ANKRD12: variants seen among roughly 807,000 people sequenced by gnomAD.
The protein encoded by ANKRD12 is ankyrin repeat domain-containing protein 12.
ANKRD12 carries 85 observed loss-of-function variants against 183.4 expected under a neutral mutation model. The ratio of observed to expected loss-of-function variants is 0.46; its 90% CI spans 0.39 to 0.56. The LOEUF (loss-of-function observed/expected upper bound fraction) is 0.56, where lower values mean the gene tolerates loss of function less well. ANKRD12 is among the 20% of genes least tolerant of loss of function. The probability of loss-of-function intolerance (pLI) is 0.00; values close to 1 mark genes in which losing one functional copy is unlikely to be tolerated. For missense variants in ANKRD12, 2,405 were observed against 2,357.1 expected, an observed-to-expected ratio of 1.02 and a Z score of -0.42; for synonymous variants, 914 against 800.2, an observed-to-expected ratio of 1.14 and a Z score of -2.40.
In ANKRD12 at chr18:9,258,287, GAAAGTGA is replaced by G; in HGVS notation, c.5027_5033del (p.Glu1676ValfsTer5). On this transcript the variant is annotated frameshift_variant, in exon 9 of 13. Coordinates refer to ENST00000262126, the MANE Select transcript of ANKRD12 (RefSeq NM_015208.5). LOFTEE classifies it high-confidence loss of function. Reference sequence around the variant, plus strand: ...TGAACAAGATCCAAAACATTGTCCTGAAAGTGAAAAGTGTTTGCTTTCCATAGAAGAT... The same window carrying G: ...TGAACAAGATCCAAAACATTGTCCTGAAAGTGTTTGCTTTCCATAGAAGAT... 6.2e-7 allele frequency: 1 copy of G among 1,613,700 alleles called. No homozygotes were observed. Among genetic ancestry groups the G allele is most frequent in the South Asian group, 1.1e-5 (1 of 91,068 alleles).
intron 10 of ANKRD12, 22 bp downstream of exon 10, chr18:9,263,910 A>C (rs371668984): frequency 4.5e-5 from 61 of 1,352,660 alleles, no homozygotes; most frequent in Non-Finnish European, 5.0e-5. Flanking sequence ...TTAAATTTAC[A>C]CTTATGCTAA....
At position 9,174,327 on chromosome 18, in the gene ANKRD12, G is replaced by A. The variant is rs2033051209; in HGVS notation, c.-51-8055G>A. ...GCAGAATGACACTGCTTGGTTCCCA[G>A]GATTCAGCCCTCTTCCTAGGGGAGG... On this transcript the variant is annotated intron_variant, in intron 1 of 12. Transcript: ENST00000262126. Among the ~76,000 whole-genome samples the A allele has an allele frequency of 2.0e-5, 3 of 152,226 alleles. No individual in the cohort carries two copies. In the South Asian group the frequency reaches 6.2e-4, roughly 32 times the overall value.
chr18:9,206,092 G>C (rs1045751404), intron 4 of ANKRD12, among the ~76,000 whole-genome samples: 6 of 151,972 alleles, frequency 3.9e-5, no homozygotes, highest in African/African-American at 1.4e-4. Context: ...AAAGAATGTT[G>C]GAGCGTTGAA....
chr18:9,143,299 TAA>T (rs370325238), intron 1 of ANKRD12, among the ~76,000 whole-genome samples: 13 of 152,372 alleles, frequency 8.5e-5, no homozygotes, highest in African/African-American at 3.1e-4. Context: ...ATAAAAATGT[TAA>T]GTCTGTTACT....
chr18:9,208,432 T>A (rs2035602933), intron 4 of ANKRD12, among the ~76,000 whole-genome samples: 1 of 152,162 alleles, frequency 6.6e-6, no homozygotes, highest in South Asian at 2.1e-4. Context: ...TATTACTAAT[T>A]TTCTGAAAAC....
intron 11 of ANKRD12, 65 bp from the exon 12 acceptor site, chr18:9,279,484 C>T (rs2040009115): frequency 1.1e-6 from 1 of 934,184 alleles, no homozygotes; most frequent in Non-Finnish European, 1.7e-6. Context: ...CATAAAAATA[C>T]TATAATGGCA....
At chr18:9,140,529 CAG>C (rs1484462939) in intron 1 of ANKRD12, among the ~76,000 whole-genome samples, 1 of 152,178 alleles carries the variant, frequency 6.6e-6, no homozygotes, top group Non-Finnish European at 1.5e-5. Context: ...GTTTCTGTAA[CAG>C]ACAGTGGCTT....
At chr18:9,163,611 A>G (rs2031703083) in intron 1 of ANKRD12, among the ~76,000 whole-genome samples, 1 of 152,090 alleles carries the variant, frequency 6.6e-6, no homozygotes, top group African/African-American at 2.4e-5. Flanking sequence ...TGAATCTATA[A>G]ATTACTTTGG....
chr18:9,258,158 C>T lies in ANKRD12; in HGVS notation c.4891C>T (p.His1631Tyr). Residue 1631 changes from histidine (H) to tyrosine (Y), a missense_variant, in exon 9 of 13, where the codon CAT becomes TAT. Transcript: ENST00000262126. ...CACAACTGATACTCAGGTCATTTCA[C>T]ATGAAAAAGAAAACAAACTGGAGAG... Reference protein sequence around the residue: ...NSTTDTQVISHEKENKLESLV... With the variant: ...NSTTDTQVISYEKENKLESLV... 1.2e-6 allele frequency: 2 copies of T among 1,613,764 alleles called. No homozygotes were observed. Among genetic ancestry groups the T allele is most frequent in the Non-Finnish European group, 1.7e-6 (2 of 1,179,958 alleles).
At chr18:9,187,455 C>T (rs1248979489) in intron 2 of ANKRD12, among the ~76,000 whole-genome samples, 3 of 151,960 alleles carry the variant, frequency 2.0e-5, no homozygotes, top group African/African-American at 7.3e-5. Context: ...AGTAGAGACC[C>T]CATTTACAGT....
At chr18:9,168,698 G>T (rs1568245160) in intron 1 of ANKRD12, among the ~76,000 whole-genome samples, 1 of 152,046 alleles carries the variant, frequency 6.6e-6, no homozygotes, top group Non-Finnish European at 1.5e-5. Flanking sequence ...TTTTTGAAGG[G>T]TTTTTTGTGT....
chr18:9,206,501 C>G (rs1045781890), intron 4 of ANKRD12, among the ~76,000 whole-genome samples: 13 of 152,006 alleles, frequency 8.6e-5, no homozygotes, highest in Non-Finnish European at 1.8e-4. Flanking sequence ...TTGGGACATA[C>G]TAGTCTAACA....
At position 9,258,369 on chromosome 18, in the gene ANKRD12, A is replaced by G. The variant is rs770330789; in HGVS notation, c.5102A>G (p.Gln1701Arg). Reference protein sequence around the residue: ...ILSSLENHSQQSTQPEMHKYG... With the variant: ...ILSSLENHSQRSTQPEMHKYG... Reference sequence around the variant, plus strand: ...TCAAGTCTGGAAAACCATTCACAGCAGTCAACTCAACCAGAAATGCATAAA... The same window carrying G: ...TCAAGTCTGGAAAACCATTCACAGCGGTCAACTCAACCAGAAATGCATAAA... Residue 1701 changes from glutamine to arginine, a missense_variant, in exon 9 of 13, where the codon CAG becomes CGG. Gln to Arg is a conservative substitution (Grantham distance 43). This residue lies in a region of ANKRD12 where 1,983 missense variants were observed against 1,725.9 expected (regional missense o/e 1.15). Transcript: ENST00000262126. The G allele has an allele frequency of 6.2e-7, 1 of 1,613,758 alleles. No homozygotes were observed. Among genetic ancestry groups the G allele is most frequent in the Non-Finnish European group, 8.5e-7 (1 of 1,179,918 alleles).
At chr18:9,146,284 C>T (rs2078490435) in intron 1 of ANKRD12, among the ~76,000 whole-genome samples, 1 of 152,206 alleles carries the variant, frequency 6.6e-6, no homozygotes, top group Non-Finnish European at 1.5e-5. Context: ...AAAACCAAGC[C>T]TGGCACAGTG....
chr18:9,208,637 A>C lies in ANKRD12; in HGVS notation c.305-20A>C. On this transcript the variant is annotated intron_variant, in intron 4 of 12. Transcript: ENST00000262126. ...ACTTGGATTTGTTTCAAATTCTTAC[A>C]TATTTGTTAATAATTCCAGAGAAAG... is the stretch of plus-strand genomic sequence containing the variant. 6.3e-7 allele frequency: 1 copy of C among 1,586,660 alleles called. No homozygotes were observed. Among genetic ancestry groups the C allele is most frequent in the Non-Finnish European group, 8.5e-7 (1 of 1,169,920 alleles).
chr18:9,191,137 GGCTGTT>G (rs1408309304), intron 2 of ANKRD12, among the ~76,000 whole-genome samples: 3 of 152,134 alleles, frequency 2.0e-5, no homozygotes, highest in Non-Finnish European at 4.4e-5. Flanking sequence ...TACGTGTGAT[GGCTGTT>G]GCCAGTTATT....
chr18:9,255,918 A>T lies in ANKRD12; in HGVS notation c.2651A>T (p.Glu884Val), dbSNP rs781681512. 4 of 1,590,600 alleles carry T rather than the reference A, an allele frequency of 2.5e-6. No individual in the cohort carries two copies. The Admixed American group carries it at 7.5e-5, about 30-fold the overall frequency. ...YSHHTEKCHKEGEKSKNTAAI... is the reference protein window; with the variant it reads ...YSHHTEKCHKVGEKSKNTAAI... ...CATCACACAGAAAAATGCCATAAAG[A>T]AGGTGAGAAGAGCAAAAATACTGCT... Residue 884 changes from glutamate (E) to valine (V), a missense_variant, in exon 9 of 13, where the codon GAA (glutamate) becomes GTA (valine). By Grantham distance (121) the Glu-to-Val change is moderately radical. This residue lies in a region of ANKRD12 where 1,983 missense variants were observed against 1,725.9 expected (regional missense o/e 1.15). Coordinates refer to ENST00000262126, the MANE Select transcript of ANKRD12 (RefSeq NM_015208.5).
chr18:9,225,628 C>T (rs1313524328), intron 8 of ANKRD12, among the ~76,000 whole-genome samples: 3 of 152,168 alleles, frequency 2.0e-5, no homozygotes, highest in Non-Finnish European at 4.4e-5. Context: ...ACCAGAACCA[C>T]CTTTTAGCCA....
intron 8 of ANKRD12, among the ~76,000 whole-genome samples, chr18:9,235,254 G>A (rs1056683363): frequency 6.6e-6 from 1 of 152,154 alleles, no homozygotes; most frequent in Non-Finnish European, 1.5e-5. Context: ...TGATGTCTTA[G>A]TTACTTAGAA....
Sources: gnomAD v4.1 joint callset for allele counts (sites outside exome capture counted in the v4.1 genomes callset) on GRCh38, gnomAD v4.1.1 for gene constraint, gnomAD v4.1.1 regional missense constraint, MANE v1.5 for transcripts, NCBI Gene and HGNC (gene_info 2026-07-23, HGNC 2026-07-21) for gene names.